SNAPC1: variants seen among roughly 807,000 people sequenced by gnomAD.
The protein encoded by SNAPC1 is snRNA-activating protein complex subunit 1.
A neutral mutation model predicts 50.1 loss-of-function variants in SNAPC1; 42 were observed. That is an observed-to-expected ratio of 0.84 (90% CI 0.65 to 1.08). SNAPC1 has a LOEUF of 1.08. Among genes scored for constraint, SNAPC1 ranks in the 50% least tolerant of loss-of-function variants. The pLI is 0.00. For synonymous variants in SNAPC1, 164 were observed against 144.2 expected (o/e 1.14, Z -0.98); for missense variants, 477 against 427.3 (o/e 1.12, Z -1.02).
chr14:61,771,147 A>C (rs1484012382), intron 4 of SNAPC1, among the ~76,000 whole-genome samples: 3 of 152,252 alleles, frequency 2.0e-5, no homozygotes, highest in Non-Finnish European at 4.4e-5. Flanking sequence ...AAGGAACTGA[A>C]TATTCCTCAA....
chr14:61,762,981 C>CTTTTTTTTT (rs145378546), intron 1 of SNAPC1, among the ~76,000 whole-genome samples: 1,126 of 73,022 alleles, frequency 0.015, 226 homozygotes, highest in East Asian at 0.048. Flanking sequence ...CCAAAGTTGT[C>CTTTTTTTTT]TTTTTTTTTT....
chr14:61,793,933 G>A (rs919317891), intron 9 of SNAPC1, among the ~76,000 whole-genome samples: 1 of 152,184 alleles, frequency 6.6e-6, no homozygotes, highest in Non-Finnish European at 1.5e-5. Flanking sequence ...TGGGATTACA[G>A]GTGGGAGCCA....
intron 9 of SNAPC1, 74 bp from the exon 10 acceptor site, chr14:61,794,871 TGTAA>T (rs2045177310): frequency 6.4e-6 from 6 of 931,178 alleles, no homozygotes; most frequent in Non-Finnish European, 8.7e-6. Flanking sequence ...GGTATTATCA[TGTAA>T]GTGTCAGTTG....
intron 4 of SNAPC1, among the ~76,000 whole-genome samples, chr14:61,769,512 C>A (rs550403608): frequency 1.3e-5 from 2 of 150,474 alleles, no homozygotes; most frequent in East Asian, 4.0e-4. Flanking sequence ...ATTCTCCTGC[C>A]TCAGCCTCCC....
In SNAPC1 at chr14:61,773,597, C is replaced by T. The variant is rs548129580; in HGVS notation, c.535-2498C>T. Among the ~76,000 whole-genome samples the T allele has an allele frequency of 1.1e-4, 17 of 151,116 alleles. 1 individual carries two copies. In the South Asian group the frequency reaches 2.7e-3, roughly 24 times the overall value. On this transcript the variant is annotated intron_variant, in intron 4 of 9. Coordinates refer to ENST00000216294, the MANE Select transcript of SNAPC1 (RefSeq NM_003082.4). ...TTTTTTAGTAGAGACAAGGTTTCAC[C>T]GTGTTAGTCAGGATGGTCTTGATCT...
chr14:61,764,465 C>T (rs2044932398), intron 1 of SNAPC1, among the ~76,000 whole-genome samples: 1 of 151,908 alleles, frequency 6.6e-6, no homozygotes, highest in South Asian at 2.1e-4. Context: ...ATGGCTACTA[C>T]ATGCCATTTA....
intron 8 of SNAPC1, among the ~76,000 whole-genome samples, chr14:61,788,009 T>G (rs1378127417): frequency 6.6e-6 from 1 of 152,164 alleles, no homozygotes; most frequent in African/African-American, 2.4e-5. Flanking sequence ...AGAAAGAAGT[T>G]AAATGAAATT....
Position 61,795,010 on chromosome 14 carries a change from T to C in SNAPC1, c.*27T>C. 1.3e-6 allele frequency: 2 copies of C among 1,508,244 alleles called. No homozygotes were observed. The highest frequency in any genetic ancestry group is 2.2e-5 in the Admixed American group (1 of 45,570). The allele number at this position is 1,508,244 out of a possible 1,614,324, so 93.4% of individuals were successfully genotyped here. On this transcript the variant is annotated 3_prime_UTR_variant, in exon 10 of 10. Coordinates refer to ENST00000216294, the MANE Select transcript of SNAPC1 (RefSeq NM_003082.4). ...CAAAGAGCCTGGTGTAGTTTTTAATTTTGAGTTTTCTGACAGAAGAAAAGA... is the reference window on the plus strand; with the variant it reads ...CAAAGAGCCTGGTGTAGTTTTTAATCTTGAGTTTTCTGACAGAAGAAAAGA...
chr14:61,771,647 G>A (rs1157336809), intron 4 of SNAPC1, among the ~76,000 whole-genome samples: 2 of 152,170 alleles, frequency 1.3e-5, no homozygotes, highest in Non-Finnish European at 2.9e-5. Context: ...TTTATGTTTG[G>A]AGTTGAGGTA....
At chr14:61,776,714 C>T (rs889479275) in intron 5 of SNAPC1, among the ~76,000 whole-genome samples, 15 of 152,226 alleles carry the variant, frequency 9.9e-5, no homozygotes, top group African/African-American at 3.6e-4. Context: ...GGTCTGGTAA[C>T]ACTGATTCCA....
At chr14:61,788,645 TG>T in intron 8 of SNAPC1, among the ~76,000 whole-genome samples, 1 of 152,282 alleles carries the variant, frequency 6.6e-6, no homozygotes, top group South Asian at 2.1e-4. Context: ...TTATATTATT[TG>T]ATAAAGATTA....
intron 4 of SNAPC1, among the ~76,000 whole-genome samples, chr14:61,769,287 T>C (rs1271293290): frequency 6.6e-6 from 1 of 150,950 alleles, no homozygotes; most frequent in East Asian, 2.0e-4. Flanking sequence ...ACCCCAGAGG[T>C]AGAGGTTGCA....
intron 7 of SNAPC1, among the ~76,000 whole-genome samples, chr14:61,780,784 T>C (rs1265608434): frequency 6.6e-6 from 1 of 152,190 alleles, no homozygotes; most frequent in Non-Finnish European, 1.5e-5. Context: ...GTTCCATTGG[T>C]CTATGTGTCT....
chr14:61,772,108 A>T (rs1376469866), intron 4 of SNAPC1, among the ~76,000 whole-genome samples: 8 of 147,534 alleles, frequency 5.4e-5, no homozygotes, highest in African/African-American at 1.8e-4. Context: ...CTTTTTTTTT[A>T]ATTTTTGAGA....
At chr14:61,792,317 TG>T (rs1566594560) in intron 8 of SNAPC1, among the ~76,000 whole-genome samples, 1 of 152,176 alleles carries the variant, frequency 6.6e-6, no homozygotes, top group African/African-American at 2.4e-5. Flanking sequence ...GAACCTCTAG[TG>T]TTTTTGAAAA....
chr14:61,781,320 G>T (rs1166692412), intron 7 of SNAPC1, among the ~76,000 whole-genome samples: 1 of 151,710 alleles, frequency 6.6e-6, no homozygotes, highest in African/African-American at 2.4e-5. Context: ...GTGGTGGTGG[G>T]CGCCAGTAGT....
chr14:61,785,746 G>A (rs2045111451), intron 8 of SNAPC1, among the ~76,000 whole-genome samples: 1 of 152,176 alleles, frequency 6.6e-6, no homozygotes, highest in African/African-American at 2.4e-5. Flanking sequence ...TTGAGTCTTT[G>A]ATGGCCTTCC....
chr14:61,773,401 T>G (rs1320346995), intron 4 of SNAPC1, among the ~76,000 whole-genome samples: 2 of 142,884 alleles, frequency 1.4e-5, no homozygotes, highest in Middle Eastern at 3.2e-3. Flanking sequence ...TCCTTAGTTT[T>G]TTTTTTTTTT....
At chr14:61,764,442 C>CT (rs111526299) in intron 1 of SNAPC1, among the ~76,000 whole-genome samples, 41 of 148,782 alleles carry the variant, frequency 2.8e-4, no homozygotes, top group African/African-American at 6.9e-4. Context: ...AGGAGAGAGA[C>CT]TTTTTTTTTT....
Sources: gnomAD v4.1 joint callset for allele counts (sites outside exome capture counted in the v4.1 genomes callset) on GRCh38, gnomAD v4.1.1 for gene constraint, MANE v1.5 for transcripts, NCBI Gene and HGNC (gene_info 2026-07-23, HGNC 2026-07-21) for gene names.